Variants in HEMK2 observed in about 807,000 individuals in gnomAD.
HEMK2 encodes the protein HemK methyltransferase 2, ETF1 glutamine and histone H4 lysine.
the HEMK2 span, among the ~76,000 whole-genome samples, chr21:28,755,068 C>G: frequency 0.19 from 29,416 of 152,080 alleles, 3,570 homozygotes; most frequent in African/African-American, 0.34. Context: ...TAGGCAAAGG[C>G]AGCAGCATGG....
the HEMK2 span, among the ~76,000 whole-genome samples, chr21:28,827,419 T>C: frequency 6.6e-6 from 1 of 152,170 alleles, no homozygotes; most frequent in Non-Finnish European, 1.5e-5. Context: ...GAGATCAGAG[T>C]CTCATCAAAT....
the HEMK2 span, among the ~76,000 whole-genome samples, chr21:28,753,656 T>C: frequency 6.0e-3 from 914 of 152,274 alleles, 9 homozygotes; most frequent in African/African-American, 0.021. Context: ...TCTCTAAGGG[T>C]AGCCATTTAC....
At chr21:28,741,038 CAT>C in the HEMK2 span, among the ~76,000 whole-genome samples, 24 of 152,168 alleles carry the variant, frequency 1.6e-4, no homozygotes, top group African/African-American at 4.3e-4. Flanking sequence ...TTAATATACA[CAT>C]GTGTTAGCTC....
chr21:28,808,824 T>C, the HEMK2 span, among the ~76,000 whole-genome samples: 1 of 152,136 alleles, frequency 6.6e-6, no homozygotes, highest in South Asian at 2.1e-4. Context: ...CAATTTTACT[T>C]TTTCCTGTCT....
At chr21:28,878,285 G>A in the HEMK2 span, 6 of 1,612,502 alleles carry the variant, frequency 3.7e-6, no homozygotes, top group African/African-American at 1.3e-5. Flanking sequence ...ATGACTTCCC[G>A]ACCATTTCTG....
the HEMK2 span, among the ~76,000 whole-genome samples, chr21:28,734,332 T>C: frequency 6.6e-6 from 1 of 152,190 alleles, no homozygotes; most frequent in Non-Finnish European, 1.5e-5. Flanking sequence ...ACTGAAATGT[T>C]TTCATCTTTG....
At chr21:28,763,623 A>G in the HEMK2 span, among the ~76,000 whole-genome samples, 1 of 152,126 alleles carries the variant, frequency 6.6e-6, no homozygotes, top group African/African-American at 2.4e-5. Context: ...CAGTCTTATC[A>G]GAAGAATGAG....
the HEMK2 span, among the ~76,000 whole-genome samples, chr21:28,682,796 G>C: frequency 6.6e-6 from 1 of 151,902 alleles, no homozygotes; most frequent in Non-Finnish European, 1.5e-5. Context: ...GCAAACTATC[G>C]CAAGGACAAA....
At chr21:28,779,690 A>T in the HEMK2 span, among the ~76,000 whole-genome samples, 1 of 152,138 alleles carries the variant, frequency 6.6e-6, no homozygotes, top group Admixed American at 6.5e-5. Context: ...TTTCCCAGAA[A>T]CTTTCTCTCT....
the HEMK2 span, among the ~76,000 whole-genome samples, chr21:28,826,434 T>C: frequency 3.3e-5 from 5 of 152,210 alleles, no homozygotes; most frequent in African/African-American, 9.6e-5. Flanking sequence ...GTTGGGAATA[T>C]GGATTTCACC....
the HEMK2 span, among the ~76,000 whole-genome samples, chr21:28,594,943 G>A: frequency 4.7e-4 from 72 of 152,230 alleles, no homozygotes; most frequent in African/African-American, 1.5e-3. Context: ...TATTGGCACC[G>A]AAGCAGAATA....
At chr21:28,668,996 C>G in the HEMK2 span, among the ~76,000 whole-genome samples, 1 of 152,156 alleles carries the variant, frequency 6.6e-6, no homozygotes, top group African/African-American at 2.4e-5. Flanking sequence ...GAGCAGGTGC[C>G]TACTTTTTGA....
chr21:28,665,501 T>C, the HEMK2 span, among the ~76,000 whole-genome samples: 60 of 149,280 alleles, frequency 4.0e-4, no homozygotes, highest in Non-Finnish European at 7.4e-4. Flanking sequence ...TAATGCTAGA[T>C]GACACGTTAG....
At chr21:28,836,497 G>GA in the HEMK2 span, among the ~76,000 whole-genome samples, 363 of 151,250 alleles carry the variant, frequency 2.4e-3, 4 homozygotes, top group African/African-American at 8.5e-3. Flanking sequence ...TCTAAATCTT[G>GA]AAAAAAAATC....
At chr21:28,657,191 G>A in the HEMK2 span, among the ~76,000 whole-genome samples, 3 of 151,876 alleles carry the variant, frequency 2.0e-5, no homozygotes, top group Non-Finnish European at 4.4e-5. Context: ...TAATTTAAAT[G>A]ACCAATTTCT....
At chr21:28,766,096 T>C in the HEMK2 span, among the ~76,000 whole-genome samples, 2 of 151,826 alleles carry the variant, frequency 1.3e-5, no homozygotes, top group African/African-American at 2.4e-5. Context: ...TAAGCAGGAA[T>C]TGAACAATGA....
At chr21:28,701,752 T>C in the HEMK2 span, among the ~76,000 whole-genome samples, 2 of 152,164 alleles carry the variant, frequency 1.3e-5, no homozygotes, top group South Asian at 2.1e-4. Context: ...AATGGCCATA[T>C]TGCCCAAAGC....
At chr21:28,649,906 G>T in the HEMK2 span, among the ~76,000 whole-genome samples, 2 of 152,126 alleles carry the variant, frequency 1.3e-5, no homozygotes, top group African/African-American at 4.8e-5. Context: ...TTAAAAGCAT[G>T]AAACTACATG....
chr21:28,680,542 C>T, the HEMK2 span, among the ~76,000 whole-genome samples: 386 of 152,294 alleles, frequency 2.5e-3, no homozygotes, highest in Non-Finnish European at 3.0e-3. Context: ...TCCTCCCTAA[C>T]TCATTTTATG....
Sources: allele counts gnomAD v4.1 joint callset (sites outside exome capture counted in the v4.1 genomes callset), GRCh38; gene constraint gnomAD v4.1.1; transcripts MANE v1.5; gene names NCBI Gene and HGNC (gene_info 2026-07-23, HGNC 2026-07-21).